The following ST7L variants were observed in gnomAD, a reference collection of about 807,000 sequenced individuals.
ST7L encodes the protein suppression of tumorigenicity 7 like.
In ST7L, 57 loss-of-function variants were observed where a neutral mutation model predicts 72.5. The observed-to-expected ratio is 0.79, with a 90% CI of 0.64 to 0.98. The LOEUF is 0.98. ST7L is among the 50% of genes least tolerant of loss of function. The pLI, the probability that ST7L is intolerant of heterozygous loss-of-function variation, is 0.00. For missense variants in ST7L, 576 were observed against 672.2 expected, an observed-to-expected ratio of 0.86 and a Z score of 1.58; for synonymous variants, 221 against 240.9, an observed-to-expected ratio of 0.92 and a Z score of 0.77.
At chr1:112,578,558 G>C in intron 9 of ST7L, 141 bp from the exon 10 acceptor site, 1 of 703,134 alleles carries the variant, frequency 1.4e-6, no homozygotes, top group Non-Finnish European at 2.5e-6. Context: ...GGTGGATCAT[G>C]AGGTCAGGAG....
intron 5 of ST7L, among the ~76,000 whole-genome samples, chr1:112,595,736 A>G (rs1666388938): frequency 1.3e-5 from 2 of 152,152 alleles, no homozygotes; most frequent in Non-Finnish European, 2.9e-5. Context: ...GTATTTTTCA[A>G]TGGATTGTAG....
In ST7L at chr1:112,582,457, A is replaced by T. The variant is rs1283461769; in HGVS notation, c.872T>A (p.Val291Glu). 1.9e-6 allele frequency: 3 copies of T among 1,597,488 alleles called. No homozygotes were observed. The highest frequency in any genetic ancestry group is 3.4e-5 in the Admixed American group (2 of 59,296). ...HEAQLRRDTN[V>E]LVYIKRRLAM... Reference sequence around the variant, plus strand: ...CAATCTTCTTTTAATATATACCAGTACATTGGTATCTCTCCCTATTTAGAA... The same window carrying T: ...CAATCTTCTTTTAATATATACCAGTTCATTGGTATCTCTCCCTATTTAGAA... The change falls in exon 8 of 15, where the codon GTA (valine) becomes GAA (glutamate). Residue 291 changes from valine to glutamate, a missense_variant. Coordinates refer to ENST00000358039, the MANE Select transcript of ST7L (RefSeq NM_017744.5).
Position 112,555,987 on chromosome 1 carries a change from G to A in ST7L, c.1277C>T (p.Pro426Leu). ...YLLEMKSLIL[P>L]PEHILKRGDS... ...ACCCCGTTTCAGAATGTGTTCTGGA[G>A]GTAAAATTAAACTTTTCATCTCTAA... Residue 426 changes from proline (P) to leucine (L), a missense_variant, in exon 12 of 15, where the codon CCT becomes CTT. This residue lies in a region of ST7L where 511 missense variants were observed against 600.7 expected (regional missense o/e 0.85). Transcript: ENST00000358039. The A allele has an allele frequency of 6.2e-7, 1 of 1,605,674 alleles. No homozygotes were observed. The highest frequency in any genetic ancestry group is 8.5e-7 in the Non-Finnish European group (1 of 1,175,618).
At chr1:112,608,346 G>T (rs1391473943) in intron 3 of ST7L, among the ~76,000 whole-genome samples, 1 of 152,060 alleles carries the variant, frequency 6.6e-6, no homozygotes, top group Non-Finnish European at 1.5e-5. Context: ...TCCAATTCAA[G>T]TATTTCCTCT....
At chr1:112,588,068 G>A (rs1047058788) in intron 6 of ST7L, among the ~76,000 whole-genome samples, 4 of 152,080 alleles carry the variant, frequency 2.6e-5, no homozygotes, top group Non-Finnish European at 5.9e-5. Flanking sequence ...TTTGTAAATG[G>A]AATTGTTTTC....
At chr1:112,600,433 C>G (rs889047340) in intron 4 of ST7L, among the ~76,000 whole-genome samples, 3 of 151,498 alleles carry the variant, frequency 2.0e-5, no homozygotes, top group Non-Finnish European at 2.9e-5. Context: ...CTGGCTTTCA[C>G]TTAAAAAAAA....
At chr1:112,560,177 G>A (rs1289134118) in intron 11 of ST7L, among the ~76,000 whole-genome samples, 1 of 151,670 alleles carries the variant, frequency 6.6e-6, no homozygotes, top group African/African-American at 2.4e-5. Flanking sequence ...GGAGGATCAC[G>A]AGGTTAGGAG....
intron 3 of ST7L, among the ~76,000 whole-genome samples, chr1:112,604,246 T>A (rs1181065051): frequency 6.6e-6 from 1 of 151,956 alleles, no homozygotes; most frequent in Non-Finnish European, 1.5e-5. Flanking sequence ...AAGGCGGAGG[T>A]TGCAGTGAGC....
intron 6 of ST7L, among the ~76,000 whole-genome samples, chr1:112,585,285 T>G (rs1271745326): frequency 2.0e-5 from 3 of 152,226 alleles, no homozygotes; most frequent in Non-Finnish European, 2.9e-5. Context: ...TGTCCAGTAT[T>G]CTAGGCATTA....
chr1:112,564,934 T>C (rs1270459493), intron 11 of ST7L, among the ~76,000 whole-genome samples: 2 of 152,030 alleles, frequency 1.3e-5, no homozygotes, highest in African/African-American at 4.8e-5. Context: ...ATGTATCAAT[T>C]TATTTTTAAA....
chr1:112,550,729 T>G, intron 12 of ST7L, 36 bp from the exon 13 acceptor site: 1 of 1,531,504 alleles, frequency 6.5e-7, no homozygotes, highest in Non-Finnish European at 9.0e-7. Flanking sequence ...TACTCAATTC[T>G]GTCTCATTTA....
At chr1:112,545,220 A>G (rs547388144) in intron 13 of ST7L, among the ~76,000 whole-genome samples, 12 of 151,870 alleles carry the variant, frequency 7.9e-5, no homozygotes, top group South Asian at 4.2e-4. Flanking sequence ...AAAACCCCCC[A>G]GCATATTCCC....
intron 3 of ST7L, chr1:112,607,239 T>C (rs1293879988): frequency 6.6e-6 from 1 of 152,076 alleles, no homozygotes; most frequent in East Asian, 1.9e-4. Context: ...CTTAGGATAC[T>C]ATAGCAATAG....
intron 14 of ST7L, among the ~76,000 whole-genome samples, chr1:112,530,599 G>A (rs1393880369): frequency 1.3e-5 from 2 of 152,124 alleles, no homozygotes; most frequent in African/African-American, 4.8e-5. Context: ...GTTTTTAGTA[G>A]AGACAAGGTT....
At chr1:112,596,916 C>T (rs943807443) in intron 5 of ST7L, among the ~76,000 whole-genome samples, 3 of 152,086 alleles carry the variant, frequency 2.0e-5, no homozygotes, top group Admixed American at 1.3e-4. Flanking sequence ...GGATTACAGG[C>T]GTGAGCCACC....
At position 112,538,904 on chromosome 1, in the gene ST7L, G is replaced by C. The variant is rs12729635; in HGVS notation, c.1629+3047C>G. Among the ~76,000 whole-genome samples, 463 of 152,262 alleles carry C rather than the reference G, an allele frequency of 3.0e-3. 1 individual carries two copies. The highest frequency in any genetic ancestry group is 0.01 in the Middle Eastern group (3 of 294). The stretch of plus-strand genomic sequence containing the variant: ...TCATTTAACGCTCACCAAAACCCAT[G>C]AGAGGTAGTATTATTCTCATTTTAC... On this transcript the variant is annotated intron_variant, in intron 14 of 14. Coordinates refer to ENST00000358039, the MANE Select transcript of ST7L (RefSeq NM_017744.5).
chr1:112,520,422 T>C (rs1335634435), downstream of ST7L: 1 of 1,614,146 alleles, frequency 6.2e-7, no homozygotes, highest in East Asian at 2.2e-5. Context: ...ACTGGTGCTG[T>C]GCTGTACGGT....
rs1653187035 is a variant in ST7L, at chr1:112,525,034, C to T, written c.*979G>A. 6.6e-6 allele frequency: 1 copy of T among 152,200 alleles called. No individual in the cohort carries two copies. The highest frequency in any genetic ancestry group is 1.5e-5 in the Non-Finnish European group (1 of 68,060). 9.4% of individuals were successfully genotyped at this position (152,200 alleles called of 1,614,324 possible). A position where few individuals can be genotyped will look rare whatever the true frequency, so the allele number is the denominator to read the frequency against. ...CAGGAAGGGCATGGTGAGGAGAGAT[C>T]AGTGGTGAAGAATTACCATCAAAGC... On this transcript the variant is annotated 3_prime_UTR_variant, in exon 15 of 15. Coordinates refer to ENST00000358039, the MANE Select transcript of ST7L (RefSeq NM_017744.5).
chr1:112,599,866 C>T (rs555803313), intron 4 of ST7L, among the ~76,000 whole-genome samples: 2 of 152,078 alleles, frequency 1.3e-5, no homozygotes, highest in Non-Finnish European at 2.9e-5. Context: ...TATACTTATA[C>T]GTATCACAAA....
Sources: allele counts gnomAD v4.1 joint callset (sites outside exome capture counted in the v4.1 genomes callset), GRCh38; gene constraint gnomAD v4.1.1; regional missense constraint gnomAD v4.1.1; transcripts MANE v1.5; gene names NCBI Gene and HGNC (gene_info 2026-07-23, HGNC 2026-07-21).